CNTN5: variants seen among roughly 807,000 people sequenced by gnomAD.
CNTN5 encodes contactin 5.
Under a neutral mutation model 129.1 loss-of-function variants are expected in CNTN5, and 77 were observed. The ratio of observed to expected loss-of-function variants is 0.60; its 90% CI spans 0.50 to 0.72. CNTN5 has a LOEUF of 0.72. Among genes scored for constraint, CNTN5 ranks in the 30% least tolerant of loss-of-function variants. The pLI, the probability that CNTN5 is intolerant of heterozygous loss-of-function variation, is 0.00. For synonymous variants in CNTN5, 509 were observed against 465.6 expected, an observed-to-expected ratio of 1.09 and a Z score of -1.20; for missense variants, 1,478 against 1,328.8, an observed-to-expected ratio of 1.11 and a Z score of -1.75.
chr11:99,322,350 T>A (rs976236295), intron 1 of CNTN5, among the ~76,000 whole-genome samples: 2 of 152,118 alleles, frequency 1.3e-5, no homozygotes, highest in Non-Finnish European at 2.9e-5. Flanking sequence ...TGTTGGGCAA[T>A]ACATTTAATA....
chr11:100,034,711 C>A (rs66623352), intron 9 of CNTN5, among the ~76,000 whole-genome samples: 19,765 of 152,120 alleles, frequency 0.13, 1,310 homozygotes, highest in Non-Finnish European at 0.14. Flanking sequence ...TAGGTACTTG[C>A]AATAGAGACT....
chr11:99,799,669 C>A (rs1206097548), intron 3 of CNTN5, among the ~76,000 whole-genome samples: 1 of 152,004 alleles, frequency 6.6e-6, no homozygotes, highest in East Asian at 1.9e-4. Flanking sequence ...AGGATTTTTG[C>A]ATATATGTTT....
chr11:99,660,989 T>A (rs1208610520), intron 3 of CNTN5, among the ~76,000 whole-genome samples: 1 of 152,104 alleles, frequency 6.6e-6, no homozygotes, highest in Non-Finnish European at 1.5e-5. Flanking sequence ...ATTCTTGTAT[T>A]CTTCCTTGGC....
chr11:99,728,220 AAGAC>A (rs1943417769), intron 3 of CNTN5, among the ~76,000 whole-genome samples: 1 of 152,092 alleles, frequency 6.6e-6, no homozygotes, highest in South Asian at 2.1e-4. Flanking sequence ...GAGAGAGGGA[AAGAC>A]AGAGAAGGCA....
chr11:100,266,893 G>A lies in CNTN5; in HGVS notation c.2165-4199G>A, dbSNP rs189070364. On this transcript the variant is annotated intron_variant, in intron 17 of 24. Coordinates refer to ENST00000524871, the MANE Select transcript of CNTN5 (RefSeq NM_014361.4). ...TTCATTTAATAAAAGTTTACCAAGC[G>A]CCTTTTAGGAAGTGTTCTAGGCACA... is the stretch of plus-strand genomic sequence containing the variant. Among the ~76,000 whole-genome samples, 239 of 152,036 alleles carry A rather than the reference G, an allele frequency of 1.6e-3. 1 individual carries two copies. The highest frequency in any genetic ancestry group is 6.8e-3 in the Middle Eastern group (2 of 292).
At chr11:100,314,707 C>T (rs1951543108) in intron 21 of CNTN5, among the ~76,000 whole-genome samples, 1 of 152,082 alleles carries the variant, frequency 6.6e-6, no homozygotes, top group Admixed American at 6.5e-5. Context: ...TCATTAAGGG[C>T]AGTAAAGGCC....
intron 3 of CNTN5, among the ~76,000 whole-genome samples, chr11:99,616,419 C>T (rs1950762446): frequency 6.6e-6 from 1 of 152,062 alleles, no homozygotes; most frequent in Admixed American, 6.5e-5. Flanking sequence ...TATATTATAC[C>T]ATGTACTTCA....
At chr11:99,375,469 T>C (rs1940123884) in intron 2 of CNTN5, among the ~76,000 whole-genome samples, 1 of 152,020 alleles carries the variant, frequency 6.6e-6, no homozygotes, top group African/African-American at 2.4e-5. Flanking sequence ...GGAGCTAGTA[T>C]TGAGGAATGA....
intron 1 of CNTN5, among the ~76,000 whole-genome samples, chr11:99,152,750 T>TTAA (rs1860128461): frequency 6.6e-6 from 1 of 152,348 alleles, no homozygotes; most frequent in South Asian, 2.1e-4. Flanking sequence ...CAATGGTCCA[T>TTAA]GTACTTAAAT....
rs566321195 is a variant in CNTN5 at position 99,697,029 on chromosome 11, C to G, written c.56-122515C>G. On this transcript the variant is annotated intron_variant, in intron 3 of 24. Coordinates refer to ENST00000524871, the MANE Select transcript of CNTN5 (RefSeq NM_014361.4). ...AAAGGACACATGAGTCAACTGGAAA[C>G]TCTTAAAGGCCAAAGCTGGGACAAT... Among the ~76,000 whole-genome samples, 198 of 152,036 alleles carry G rather than the reference C, an allele frequency of 1.3e-3. 1 individual carries two copies. The highest frequency in any genetic ancestry group is 4.7e-3 in the African/African-American group (196 of 41,548).
chr11:99,503,174 ACT>A (rs777049264), intron 2 of CNTN5, among the ~76,000 whole-genome samples: 1 of 151,880 alleles, frequency 6.6e-6, no homozygotes, highest in Non-Finnish European at 1.5e-5. Context: ...TCCCTATGTA[ACT>A]CTACATCTTT....
intron 1 of CNTN5, among the ~76,000 whole-genome samples, chr11:99,124,013 G>A (rs1858494637): frequency 6.6e-6 from 1 of 151,730 alleles, no homozygotes; most frequent in Non-Finnish European, 1.5e-5. Context: ...TTGCCTATTT[G>A]GACTCTTTTT....
intron 1 of CNTN5, among the ~76,000 whole-genome samples, chr11:99,095,713 G>A (rs1866442653): frequency 1.3e-5 from 2 of 151,980 alleles, no homozygotes; most frequent in African/African-American, 2.4e-5. Flanking sequence ...TGGAAAGAGA[G>A]GGTGAATTAA....
chr11:100,131,874 A>G (rs1018113661), intron 13 of CNTN5, among the ~76,000 whole-genome samples: 1 of 152,102 alleles, frequency 6.6e-6, no homozygotes, highest in African/African-American at 2.4e-5. Context: ...AAGGGCCATG[A>G]TAGAAGCATG....
intron 18 of CNTN5, among the ~76,000 whole-genome samples, chr11:100,286,509 A>G (rs971497369): frequency 6.7e-6 from 1 of 149,334 alleles, no homozygotes; most frequent in Non-Finnish European, 1.5e-5. Flanking sequence ...GACACCTCAC[A>G]CGGCAGGGTA....
At chr11:100,309,282 T>A in intron 21 of CNTN5, 1 of 984,136 alleles carries the variant, frequency 1.0e-6, no homozygotes, top group South Asian at 4.7e-5. Context: ...TCTTGAACAA[T>A]GATCAAGTAT....
At chr11:99,763,387 A>G (rs1944651973) in intron 3 of CNTN5, among the ~76,000 whole-genome samples, 1 of 152,138 alleles carries the variant, frequency 6.6e-6, no homozygotes, top group African/African-American at 2.4e-5. Context: ...TAAAAATTCT[A>G]ACTCATGTAA....
At position 99,871,812 on chromosome 11, in the gene CNTN5, T is replaced by C. The variant is rs75141389; in HGVS notation, c.577+26550T>C. Among the ~76,000 whole-genome samples the C allele has an allele frequency of 5.0e-3, 768 of 152,152 alleles. 8 individuals are homozygous for C. The highest frequency in any genetic ancestry group is 0.025 in the East Asian group (127 of 5,178). On this transcript the variant is annotated intron_variant, in intron 6 of 24. Coordinates refer to ENST00000524871, the MANE Select transcript of CNTN5 (RefSeq NM_014361.4). Reference sequence around the variant, plus strand: ...CTGATGGTACAATGTTTACTTCTGATTAAATCTAGTGATTGAAATTATTAG... The same window carrying C: ...CTGATGGTACAATGTTTACTTCTGACTAAATCTAGTGATTGAAATTATTAG...
chr11:99,618,785 T>C (rs1950839144), intron 3 of CNTN5, among the ~76,000 whole-genome samples: 1 of 152,202 alleles, frequency 6.6e-6, no homozygotes, highest in Non-Finnish European at 1.5e-5. Flanking sequence ...TTTTCCATGA[T>C]GTGATGATTA....
Sources: allele counts gnomAD v4.1 joint callset (sites outside exome capture counted in the v4.1 genomes callset), GRCh38; gene constraint gnomAD v4.1.1; transcripts MANE v1.5; gene names NCBI Gene and HGNC (gene_info 2026-07-23, HGNC 2026-07-21).